Variants in KRT72 observed in about 807,000 individuals in gnomAD.
KRT72 encodes the protein keratin, type II cytoskeletal 72.
In KRT72, 44 loss-of-function variants were observed where a neutral mutation model predicts 44.7. That is an observed-to-expected ratio of 0.98 (90% CI 0.77 to 1.27). KRT72 has a LOEUF of 1.27. Ranked by LOEUF, KRT72 falls within the 50% of genes most tolerant of loss-of-function variation. The pLI is 0.00. For synonymous variants in KRT72, 302 were observed against 280.4 expected (o/e 1.08, Z -0.77); for missense variants, 736 against 667.1 (o/e 1.10, Z -1.14).
chr12:52,600,157 T>C (rs1010287821), intron 1 of KRT72, among the ~76,000 whole-genome samples: 1 of 152,134 alleles, frequency 6.6e-6, no homozygotes, highest in Admixed American at 6.5e-5. Flanking sequence ...ACATGCACTC[T>C]TTCCAAGTGC....
chr12:52,594,525 G>A (rs973258584), intron 2 of KRT72, among the ~76,000 whole-genome samples: 14 of 151,826 alleles, frequency 9.2e-5, no homozygotes, highest in African/African-American at 2.7e-4. Context: ...ACCAAACACC[G>A]CATGTTCTCA....
intron 2 of KRT72, among the ~76,000 whole-genome samples, chr12:52,595,670 C>A (rs1484015987): frequency 6.6e-6 from 1 of 152,152 alleles, no homozygotes; most frequent in African/African-American, 2.4e-5. Context: ...AAACATGAGG[C>A]AGAATCACAT....
rs1280915508 is a variant in KRT72, at chr12:52,591,645, G to A, written c.799-17C>T. On this transcript the variant is annotated splice_polypyrimidine_tract_variant and intron_variant, in intron 4 of 8. Transcript: ENST00000293745. ...AGTGATCTCCTGGGGACGGTTGGGG[G>A]AGGGGAGCTAGTTAAGGGGTACTCA... The A allele has an allele frequency of 6.3e-7, 1 of 1,597,110 alleles. No homozygotes were observed. The highest frequency in any genetic ancestry group is 8.6e-7 in the Non-Finnish European group (1 of 1,167,364).
chr12:52,602,798 G>T (rs1940521396), upstream of KRT72, among the ~76,000 whole-genome samples: 1 of 152,212 alleles, frequency 6.6e-6, no homozygotes, highest in Admixed American at 6.5e-5. Context: ...GGGACCTCAT[G>T]GGTTGGTTAA....
chr12:52,593,275 C>A (rs751366196), intron 2 of KRT72, among the ~76,000 whole-genome samples: 4 of 152,214 alleles, frequency 2.6e-5, no homozygotes, highest in African/African-American at 4.8e-5. Context: ...TGAAAAGACA[C>A]TCCCTTCTGG....
intron 3 of KRT72, 84 bp from the exon 4 acceptor site, chr12:52,592,575 T>C (rs902026819): frequency 5.9e-6 from 6 of 1,010,284 alleles, no homozygotes. Context: ...CCTTGCTCTT[T>C]CCTCTCCCTT....
Position 52,585,916 on chromosome 12 carries a change from G to A in KRT72, c.*66C>T. 1 of 1,416,224 alleles carries A rather than the reference G, an allele frequency of 7.1e-7. No individual in the cohort carries two copies. The highest frequency in any genetic ancestry group is 1.4e-5 in the African/African-American group (1 of 70,534). The allele number at this position is 1,416,224 out of a possible 1,614,324, so 87.7% of individuals were successfully genotyped here. On this transcript the variant is annotated 3_prime_UTR_variant, in exon 9 of 9. Coordinates refer to ENST00000293745, the MANE Select transcript of KRT72 (RefSeq NM_080747.3). ...TTTCTTGACTTGGAAAGGGAGCCCA[G>A]GGAAGGAGAGGGAGGAGACGGGTGA...
chr12:52,600,889 G>C (rs1940414605), intron 1 of KRT72, 138 bp downstream of exon 1: 1 of 860,372 alleles, frequency 1.2e-6, no homozygotes, highest in East Asian at 2.6e-5. Flanking sequence ...CCATTATTGT[G>C]CCCATTTTAC....
intron 6 of KRT72, among the ~76,000 whole-genome samples, chr12:52,588,789 G>C (rs1353479530): frequency 1.5e-5 from 2 of 135,644 alleles, no homozygotes; most frequent in African/African-American, 5.1e-5. Context: ...CTGAGGTCAG[G>C]AGTTCAAGAC....
chr12:52,598,544 T>C (rs907703367), intron 2 of KRT72, among the ~76,000 whole-genome samples: 1 of 152,258 alleles, frequency 6.6e-6, no homozygotes, highest in Non-Finnish European at 1.5e-5. Context: ...TAAATTCTTT[T>C]TTTTAGATTT....
chr12:52,593,641 C>A lies in KRT72; in HGVS notation c.642-689G>T, dbSNP rs1242587490. Among the ~76,000 whole-genome samples the A allele has an allele frequency of 2.0e-5, 3 of 151,830 alleles. No individual in the cohort carries two copies. In the East Asian group the frequency reaches 5.8e-4, roughly 29 times the overall value. On this transcript the variant is annotated intron_variant, in intron 2 of 8. Coordinates refer to ENST00000293745, the MANE Select transcript of KRT72 (RefSeq NM_080747.3). ...AAATAATTAATGCTAAATGGATAAGCAAAATGTGGTGTATACATACAATGG... is the reference window on the plus strand; with the variant it reads ...AAATAATTAATGCTAAATGGATAAGAAAAATGTGGTGTATACATACAATGG...
Position 52,595,769 on chromosome 12 carries a change from C to T in KRT72, c.642-2817G>A, listed in dbSNP as rs148462273. On this transcript the variant is annotated intron_variant, in intron 2 of 8. Coordinates refer to ENST00000293745, the MANE Select transcript of KRT72 (RefSeq NM_080747.3). ...GTTCTTTCTGATCCATTGGATTAAA[C>T]GTGGTGCTCCTAAAGGACAGAATAA... Among the ~76,000 whole-genome samples, 572 of 152,234 alleles carry T rather than the reference C, an allele frequency of 3.8e-3. 3 individuals carry two copies. Among genetic ancestry groups the T allele is most frequent in the African/African-American group, 0.013 (537 of 41,538 alleles).
At chr12:52,588,092 G>A (rs1939851750) in intron 6 of KRT72, among the ~76,000 whole-genome samples, 1 of 152,228 alleles carries the variant, frequency 6.6e-6, no homozygotes, top group African/African-American at 2.4e-5. Context: ...AGGAGGGGAA[G>A]GCACGGAGAA....
upstream of KRT72, among the ~76,000 whole-genome samples, chr12:52,602,735 G>A (rs1031712327): frequency 6.6e-6 from 1 of 152,178 alleles, no homozygotes; most frequent in African/African-American, 2.4e-5. Context: ...AGTGCTTAGG[G>A]CAAGGCTTGT....
chr12:52,601,458 G>A lies in KRT72; in HGVS notation c.-6C>T, dbSNP rs117967907. 0.043 allele frequency: 65,492 copies of A among 1,534,274 alleles called. 1,637 individuals carry two copies. Among genetic ancestry groups the A allele is most frequent in the Non-Finnish European group, 0.051 (57,958 of 1,146,038 alleles). ...TGGGTCAGTTGGCGGCTCATGGCTC[G>A]CAAGTACCGGTGCTGGCCGCGCGGG... On this transcript the variant is annotated 5_prime_UTR_variant, in exon 1 of 9. Transcript: ENST00000293745.
intron 2 of KRT72, among the ~76,000 whole-genome samples, chr12:52,596,771 G>A (rs959670007): frequency 2.0e-5 from 3 of 151,956 alleles, no homozygotes; most frequent in East Asian, 1.9e-4. Context: ...AGCTGGCCTC[G>A]AACTCTTGAG....
chr12:52,587,807 C>A lies in KRT72; in HGVS notation c.1134G>T (p.Gly378=). 1.2e-6 allele frequency: 2 copies of A among 1,614,188 alleles called. No homozygotes were observed. The highest frequency in any genetic ancestry group is 1.3e-5 in the African/African-American group (1 of 75,056). ...CCCGGGCATCTTTCAGGGCGCAGTC[C>A]CCCCGCTGTTCAGCGTCGGCGATGG... is the stretch of plus-strand genomic sequence containing the variant. The part of the protein sequence containing the change: ...ETAIADAEQR[G]DCALKDARAK... The change falls in exon 7 of 9, where the codon GGG becomes GGT. Residue 378 remains glycine, a synonymous_variant. Coordinates refer to ENST00000293745, the MANE Select transcript of KRT72 (RefSeq NM_080747.3).
At chr12:52,600,920 G>T in intron 1 of KRT72, 107 bp downstream of exon 1, 1 of 1,198,560 alleles carries the variant, frequency 8.3e-7, no homozygotes. Flanking sequence ...GGGAGGCTCG[G>T]AGAGGTTATG....
chr12:52,586,296 C>A (rs910465562), intron 8 of KRT72, 124 bp from the exon 9 acceptor site: 25 of 678,496 alleles, frequency 3.7e-5, no homozygotes, highest in Non-Finnish European at 5.9e-5. Context: ...GAGATGGATT[C>A]TCTCTGTTGT....
Sources: gnomAD v4.1 joint callset for allele counts (sites outside exome capture counted in the v4.1 genomes callset) on GRCh38, gnomAD v4.1.1 for gene constraint, MANE v1.5 for transcripts, NCBI Gene and HGNC (gene_info 2026-07-23, HGNC 2026-07-21) for gene names.